CACNB2: variants seen among roughly 807,000 people sequenced by gnomAD.
CACNB2 encodes the protein voltage-dependent L-type calcium channel subunit beta-2.
CACNB2 carries 42 observed loss-of-function variants against 73.3 expected under a neutral mutation model. The observed-to-expected ratio is 0.57, with a 90% CI of 0.45 to 0.74. The LOEUF (loss-of-function observed/expected upper bound fraction) is 0.74, where lower values mean the gene tolerates loss of function less well. Among genes scored for constraint, CACNB2 ranks in the 30% least tolerant of loss-of-function variants. CACNB2 has a pLI of 0.00. For missense variants in CACNB2, 940 were observed against 853.0 expected (o/e 1.10, Z -1.27); for synonymous variants, 348 against 310.3 (o/e 1.12, Z -1.28).
At chr10:18,434,424 C>T (rs766286920) in intron 3 of CACNB2, among the ~76,000 whole-genome samples, 1 of 151,996 alleles carries the variant, frequency 6.6e-6, no homozygotes, top group Non-Finnish European at 1.5e-5. Flanking sequence ...AGGAAGTTTC[C>T]AGAATTACTA....
chr10:18,286,517 C>CAAAAAAAA (rs770589594), intron 2 of CACNB2, among the ~76,000 whole-genome samples: 10 of 57,354 alleles, frequency 1.7e-4, no homozygotes, highest in Non-Finnish European at 3.1e-4. Flanking sequence ...GATTCTGTCT[C>CAAAAAAAA]AAAAAAAAAA....
At chr10:18,449,787 G>C (rs1028441960) in intron 3 of CACNB2, among the ~76,000 whole-genome samples, 1 of 152,186 alleles carries the variant, frequency 6.6e-6, no homozygotes, top group African/African-American at 2.4e-5. Context: ...CATATCCCAG[G>C]GGCTGCACTG....
At chr10:18,423,904 AT>A (rs904661839) in intron 3 of CACNB2, among the ~76,000 whole-genome samples, 9 of 152,240 alleles carry the variant, frequency 5.9e-5, no homozygotes, top group African/African-American at 2.2e-4. Flanking sequence ...ATGTAATAAC[AT>A]TTTTCTGCAG....
At chr10:18,462,728 A>G (rs374418202) in intron 3 of CACNB2, among the ~76,000 whole-genome samples, 3 of 151,420 alleles carry the variant, frequency 2.0e-5, no homozygotes, top group East Asian at 1.9e-4. Flanking sequence ...TTAGTATTTT[A>G]TATTTTTTAC....
intron 2 of CACNB2, among the ~76,000 whole-genome samples, chr10:18,307,348 G>C (rs559175956): frequency 6.6e-6 from 1 of 152,130 alleles, no homozygotes; most frequent in African/African-American, 2.4e-5. Context: ...TGTAGTCCCA[G>C]CTACTCGGGA....
At chr10:18,226,861 G>A (rs956868393) in intron 2 of CACNB2, among the ~76,000 whole-genome samples, 1 of 152,126 alleles carries the variant, frequency 6.6e-6, no homozygotes, top group African/African-American at 2.4e-5. Flanking sequence ...TTGCCACACT[G>A]TACAGGTCTG....
At chr10:18,240,083 T>G (rs1334735972) in intron 2 of CACNB2, among the ~76,000 whole-genome samples, 1 of 152,236 alleles carries the variant, frequency 6.6e-6, no homozygotes, top group African/African-American at 2.4e-5. Flanking sequence ...ACTTATGTAC[T>G]ATTTTTGTAA....
intron 2 of CACNB2, among the ~76,000 whole-genome samples, chr10:18,217,990 T>C (rs2131376237): frequency 6.6e-6 from 1 of 152,314 alleles, no homozygotes; most frequent in Admixed American, 6.5e-5. Context: ...GTGTCTTCGG[T>C]ATAATACTGG....
intron 3 of CACNB2, among the ~76,000 whole-genome samples, chr10:18,455,657 C>A (rs1242762379): frequency 6.6e-6 from 1 of 152,176 alleles, no homozygotes; most frequent in Non-Finnish European, 1.5e-5. Context: ...ACTTGCTTAT[C>A]TTTCAGGAAT....
At chr10:18,320,894 C>T (rs901883218) in intron 2 of CACNB2, among the ~76,000 whole-genome samples, 3 of 152,128 alleles carry the variant, frequency 2.0e-5, no homozygotes, top group African/African-American at 7.2e-5. Context: ...TAACCATATC[C>T]AAGAAACCAA....
At chr10:18,218,971 C>G (rs1564352136) in intron 2 of CACNB2, among the ~76,000 whole-genome samples, 1 of 152,196 alleles carries the variant, frequency 6.6e-6, no homozygotes. Flanking sequence ...TAAGACCGGC[C>G]TGGGCAACAT....
In CACNB2 at chr10:18,513,518, C is replaced by T. The variant is rs1363450069; in HGVS notation, c.671-718C>T. 49 of 388,036 alleles carry T rather than the reference C, an allele frequency of 1.3e-4. No homozygotes were observed. The Admixed American group carries it at 1.3e-3, about 10-fold the overall frequency. 24.0% of individuals were successfully genotyped at this position (388,036 alleles called of 1,614,324 possible). On this transcript the variant is annotated intron_variant, in intron 6 of 13. Transcript: ENST00000324631. ...TCCTTTGCAAAGCTTCGTGAACCAC[C>T]ACCGCACTGTACGTTCATTAGCAGT...
chr10:18,279,843 G>C (rs544032456), intron 2 of CACNB2, among the ~76,000 whole-genome samples: 2 of 152,200 alleles, frequency 1.3e-5, no homozygotes, highest in Non-Finnish European at 1.5e-5. Context: ...ACTTTGGGAG[G>C]CTGAGGTGGG....
intron 2 of CACNB2, among the ~76,000 whole-genome samples, chr10:18,287,410 G>C (rs1277858182): frequency 6.6e-6 from 1 of 152,126 alleles, no homozygotes; most frequent in Non-Finnish European, 1.5e-5. Context: ...AAGGAGCTTG[G>C]AATACTCCAA....
chr10:18,266,617 G>A (rs1011851293), intron 2 of CACNB2, among the ~76,000 whole-genome samples: 38 of 152,052 alleles, frequency 2.5e-4, no homozygotes, highest in Admixed American at 2.0e-3. Context: ...GGCCGGGCAC[G>A]GTGGCTCACG....
chr10:18,221,991 C>G lies in CACNB2; in HGVS notation c.213+71016C>G, dbSNP rs1311929268. Among the ~76,000 whole-genome samples, 2 of 152,186 alleles carry G rather than the reference C, an allele frequency of 1.3e-5. 1 individual carries two copies. The highest frequency in any genetic ancestry group is 3.9e-4 in the East Asian group (2 of 5,194). On this transcript the variant is annotated intron_variant, in intron 2 of 13. Transcript: ENST00000324631. ...GAGGGACCAGAGAATTAGGATTTCACCATTATGCAGTCCTAGAGATTGGCT... is the reference window on the plus strand; with the variant it reads ...GAGGGACCAGAGAATTAGGATTTCAGCATTATGCAGTCCTAGAGATTGGCT...
At chr10:18,334,348 C>G (rs1326058249) in intron 2 of CACNB2, among the ~76,000 whole-genome samples, 1 of 152,142 alleles carries the variant, frequency 6.6e-6, no homozygotes, top group Non-Finnish European at 1.5e-5. Flanking sequence ...TAACTGGGCA[C>G]TTAACTGAGA....
chr10:18,229,656 A>G (rs758792471), intron 2 of CACNB2, among the ~76,000 whole-genome samples: 36 of 152,204 alleles, frequency 2.4e-4, no homozygotes, highest in Non-Finnish European at 4.7e-4. Context: ...TTTAGTAGGT[A>G]TCATATTTGT....
chr10:18,243,427 A>C (rs1488300979), intron 2 of CACNB2, among the ~76,000 whole-genome samples: 1 of 152,180 alleles, frequency 6.6e-6, no homozygotes, highest in Non-Finnish European at 1.5e-5. Flanking sequence ...AACAAGGAGA[A>C]TGGTGAAAGA....
Sources: allele counts gnomAD v4.1 joint callset (sites outside exome capture counted in the v4.1 genomes callset), GRCh38; gene constraint gnomAD v4.1.1; transcripts MANE v1.5; gene names NCBI Gene and HGNC (gene_info 2026-07-23, HGNC 2026-07-21).